Variants in CERS3 observed in about 807,000 individuals in gnomAD.
CERS3 encodes the protein LAG1 homolog, ceramide synthase 3.
CERS3 carries 33 observed loss-of-function variants against 50.3 expected under a neutral mutation model. The observed-to-expected ratio is 0.66, with a 90% CI of 0.50 to 0.88. The LOEUF (loss-of-function observed/expected upper bound fraction) is 0.88, where lower values mean the gene tolerates loss of function less well. CERS3 is among the 40% of genes least tolerant of loss of function. CERS3 has a pLI of 0.00. For synonymous variants in CERS3, 176 were observed against 155.2 expected, an observed-to-expected ratio of 1.13 and a Z score of -0.99; for missense variants, 470 against 460.3, an observed-to-expected ratio of 1.02 and a Z score of -0.19.
intron 4 of CERS3, among the ~76,000 whole-genome samples, chr15:100,488,933 C>A (rs574124440): frequency 6.6e-6 from 1 of 152,050 alleles, no homozygotes; most frequent in African/African-American, 2.4e-5. Context: ...CTCGCCACCA[C>A]GCCCAGCTAA....
chr15:100,450,528 A>G (rs1167689979), intron 11 of CERS3, among the ~76,000 whole-genome samples: 1 of 152,096 alleles, frequency 6.6e-6, no homozygotes, highest in African/African-American at 2.4e-5. Flanking sequence ...AAAAAAATGA[A>G]AAAAGAATGA....
At chr15:100,418,418 A>C (rs2032137910) in intron 11 of CERS3, among the ~76,000 whole-genome samples, 1 of 150,598 alleles carries the variant, frequency 6.6e-6, no homozygotes, top group African/African-American at 2.4e-5. Context: ...CCTCCAAGAA[A>C]TATGGGACTA....
intron 3 of CERS3, among the ~76,000 whole-genome samples, chr15:100,500,898 T>C (rs1362024373): frequency 2.0e-5 from 3 of 152,230 alleles, no homozygotes; most frequent in Admixed American, 6.5e-5. Flanking sequence ...ATGATCTCTA[T>C]CAGATTTTGT....
intron 11 of CERS3, among the ~76,000 whole-genome samples, chr15:100,406,851 A>C (rs1395748272): frequency 6.6e-6 from 1 of 152,214 alleles, no homozygotes; most frequent in Non-Finnish European, 1.5e-5. Flanking sequence ...TAATGAACTT[A>C]CAGTTCCACA....
intron 11 of CERS3, among the ~76,000 whole-genome samples, chr15:100,423,060 C>T (rs1218577813): frequency 6.9e-6 from 1 of 144,336 alleles, no homozygotes; most frequent in Non-Finnish European, 1.5e-5. Context: ...ACATTGTGCA[C>T]ATGTACCCTA....
At chr15:100,408,088 TC>T (rs2031201411) in intron 11 of CERS3, among the ~76,000 whole-genome samples, 1 of 152,074 alleles carries the variant, frequency 6.6e-6, no homozygotes, top group Non-Finnish European at 1.5e-5. Flanking sequence ...GCCAGGCTGG[TC>T]TTGAACTCCT....
chr15:100,485,085 G>T (rs148179122), intron 4 of CERS3, among the ~76,000 whole-genome samples: 1 of 152,082 alleles, frequency 6.6e-6, no homozygotes. Context: ...TCAGTGACTT[G>T]TCCAAAACCT....
intron 11 of CERS3, among the ~76,000 whole-genome samples, chr15:100,415,195 G>T (rs2031805193): frequency 6.6e-6 from 1 of 152,222 alleles, no homozygotes; most frequent in Admixed American, 6.5e-5. Flanking sequence ...CTGATCATTA[G>T]AGAACTGCAA....
intron 11 of CERS3, among the ~76,000 whole-genome samples, chr15:100,427,158 G>C (rs1183650227): frequency 6.6e-6 from 1 of 152,056 alleles, no homozygotes. Context: ...CGTATGTTTT[G>C]GTCCTGAGAG....
intron 3 of CERS3, among the ~76,000 whole-genome samples, chr15:100,499,086 C>T (rs993536102): frequency 6.6e-6 from 1 of 152,190 alleles, no homozygotes; most frequent in African/African-American, 2.4e-5. Flanking sequence ...ACTGCCCCAT[C>T]ATGACCTTAT....
rs377017150 is a variant in CERS3, at chr15:100,477,597, G to C, written c.517-1419C>G. The stretch of plus-strand genomic sequence containing the variant: ...TTATTTCAAGTGAACCCTGTTTCTT[G>C]AGAAGTACTGTAGGCCCTAAGAATA... On this transcript the variant is annotated intron_variant, in intron 7 of 11. Transcript: ENST00000679737. Among the ~76,000 whole-genome samples, 22 of 152,286 alleles carry C rather than the reference G, an allele frequency of 1.4e-4. 1 individual carries two copies. The South Asian group carries it at 3.5e-3, about 24-fold the overall frequency.
chr15:100,466,890 G>C (rs1342916036), intron 10 of CERS3, among the ~76,000 whole-genome samples: 4 of 97,832 alleles, frequency 4.1e-5, no homozygotes, highest in African/African-American at 6.6e-5. Context: ...GTCTTTCTCT[G>C]TTGCCCAGGC....
intron 4 of CERS3, among the ~76,000 whole-genome samples, chr15:100,486,378 G>T (rs1341243993): frequency 6.6e-6 from 1 of 152,186 alleles, no homozygotes; most frequent in African/African-American, 2.4e-5. Flanking sequence ...GTAGGCGTAA[G>T]CACCGCACTT....
chr15:100,482,859 C>T lies in CERS3; in HGVS notation c.407+1691G>A, dbSNP rs150905401. 1.5e-3 allele frequency among the ~76,000 whole-genome samples: 223 copies of T among 152,292 alleles called. 1 individual carries two copies. The highest frequency in any genetic ancestry group is 4.9e-3 in the African/African-American group (205 of 41,564). On this transcript the variant is annotated intron_variant, in intron 5 of 11. Coordinates refer to ENST00000679737, the MANE Select transcript of CERS3 (RefSeq NM_001378789.1). ...GTAACTCATGCTGTGATTTCTGTAG[C>T]ACATCCCACAGCTGATTTTTAAAAA...
At chr15:100,515,312 C>G (rs918368036) in intron 2 of CERS3, among the ~76,000 whole-genome samples, 2 of 152,164 alleles carry the variant, frequency 1.3e-5, no homozygotes, top group African/African-American at 4.8e-5. Flanking sequence ...ACAAAGTGTA[C>G]TCCCTTAGTC....
intron 3 of CERS3, among the ~76,000 whole-genome samples, chr15:100,493,371 G>A (rs777059681): frequency 4.6e-5 from 7 of 152,026 alleles, no homozygotes; most frequent in Non-Finnish European, 5.9e-5. Context: ...TCATTCCGCC[G>A]CCTTTGGCCT....
At chr15:100,477,843 T>C (rs997442664) in intron 7 of CERS3, among the ~76,000 whole-genome samples, 7 of 152,176 alleles carry the variant, frequency 4.6e-5, no homozygotes, top group Admixed American at 3.9e-4. Flanking sequence ...TACCCTAGAA[T>C]ATGGGTAAGT....
intron 11 of CERS3, among the ~76,000 whole-genome samples, chr15:100,434,058 G>T (rs1188036956): frequency 6.6e-6 from 1 of 152,244 alleles, no homozygotes; most frequent in African/African-American, 2.4e-5. Context: ...ATGAGGAGTG[G>T]ATCTGGGTTT....
chr15:100,460,557 C>A (rs1271635279), intron 10 of CERS3, among the ~76,000 whole-genome samples: 6 of 152,196 alleles, frequency 3.9e-5, no homozygotes, highest in African/African-American at 1.4e-4. Flanking sequence ...AACTGAACCC[C>A]TTTCCATCCA....
Sources: allele counts gnomAD v4.1 joint callset (sites outside exome capture counted in the v4.1 genomes callset), GRCh38; gene constraint gnomAD v4.1.1; transcripts MANE v1.5; gene names NCBI Gene and HGNC (gene_info 2026-07-23, HGNC 2026-07-21).